FOXO1: variants seen among roughly 807,000 people sequenced by gnomAD.
The protein encoded by FOXO1 is forkhead box protein O1.
In FOXO1, 6 loss-of-function variants were observed where a neutral mutation model predicts 44.1. The observed-to-expected ratio is 0.14, with a 90% CI of 0.07 to 0.27. The LOEUF (loss-of-function observed/expected upper bound fraction) is 0.27, where lower values mean the gene tolerates loss of function less well. Among genes scored for constraint, FOXO1 ranks in the 10% least tolerant of loss-of-function variants. FOXO1 has a pLI of 1.00. For synonymous variants in FOXO1, 380 were observed against 362.7 expected (o/e 1.05, Z -0.54); for missense variants, 737 against 888.8 (o/e 0.83, Z 2.17).
chr13:40,637,229 G>A (rs971226844), intron 1 of FOXO1, among the ~76,000 whole-genome samples: 1 of 152,052 alleles, frequency 6.6e-6, no homozygotes, highest in African/African-American at 2.4e-5. Context: ...CGGATCAGGA[G>A]GTCAGGAGAT....
intron 1 of FOXO1, chr13:40,621,380 T>G (rs1876609481): frequency 5.4e-6 from 2 of 367,606 alleles, no homozygotes; most frequent in South Asian, 1.3e-4. Context: ...AATATTGTAT[T>G]TTAGTAGAAC....
intron 1 of FOXO1, among the ~76,000 whole-genome samples, chr13:40,580,651 C>A (rs1874921393): frequency 6.6e-6 from 1 of 152,162 alleles, no homozygotes; most frequent in Admixed American, 6.5e-5. Flanking sequence ...TGGCTCCAAG[C>A]AAGGCACACC....
At chr13:40,651,216 G>A (rs1877677195) in intron 1 of FOXO1, among the ~76,000 whole-genome samples, 1 of 151,838 alleles carries the variant, frequency 6.6e-6, no homozygotes, top group East Asian at 1.9e-4. Flanking sequence ...CAAGACTACA[G>A]GCACACAGTA....
At chr13:40,661,778 C>T (rs1435223372) in intron 1 of FOXO1, among the ~76,000 whole-genome samples, 1 of 152,114 alleles carries the variant, frequency 6.6e-6, no homozygotes, top group Non-Finnish European at 1.5e-5. Context: ...ATAGATTATA[C>T]CCAAATTACA....
intron 1 of FOXO1, among the ~76,000 whole-genome samples, chr13:40,574,945 A>T (rs1365684052): frequency 6.6e-6 from 1 of 152,242 alleles, no homozygotes; most frequent in African/African-American, 2.4e-5. Flanking sequence ...TTCCTAGCTT[A>T]ATTTATAGCT....
chr13:40,561,513 T>C (rs1187415074), intron 1 of FOXO1, among the ~76,000 whole-genome samples: 2 of 152,160 alleles, frequency 1.3e-5, no homozygotes, highest in Non-Finnish European at 2.9e-5. Flanking sequence ...AATAGTACTC[T>C]GTATCAAAGT....
chr13:40,586,910 T>C (rs952283209), intron 1 of FOXO1, among the ~76,000 whole-genome samples: 2 of 152,314 alleles, frequency 1.3e-5, no homozygotes, highest in South Asian at 2.1e-4. Context: ...AATCCTCTAC[T>C]GGAAACATTG....
In FOXO1 at chr13:40,665,617, T is replaced by C; in HGVS notation, c.596A>G (p.Asp199Gly). The C allele has an allele frequency of 6.8e-7, 1 of 1,473,598 alleles. No individual in the cohort carries two copies. Among genetic ancestry groups the C allele is most frequent in the Non-Finnish European group, 9.1e-7 (1 of 1,098,442 alleles). 91.3% of individuals were successfully genotyped at this position (1,473,598 alleles called of 1,614,324 possible). ...CGCCGAGCTGTTGCTGTCACCCTTA[T>C]CCTTGAAGTAGGGCACGCTCTTGAC... The part of the protein sequence containing the change: ...WMVKSVPYFK[D>G]KGDSNSSAGW... The change falls in exon 1 of 3, where the codon GAT becomes GGT. Residue 199 changes from aspartate (D) to glycine (G), a missense_variant. Transcript: ENST00000379561.
chr13:40,634,309 C>T (rs891772360), intron 1 of FOXO1, among the ~76,000 whole-genome samples: 5 of 152,180 alleles, frequency 3.3e-5, no homozygotes, highest in Non-Finnish European at 2.9e-5. Flanking sequence ...CATATCCACA[C>T]AACTGCATAC....
chr13:40,615,870 T>C (rs1876406455), intron 1 of FOXO1, among the ~76,000 whole-genome samples: 1 of 152,240 alleles, frequency 6.6e-6, no homozygotes, highest in Non-Finnish European at 1.5e-5. Context: ...CCTTGCAGTC[T>C]GCTGCGAGAA....
chr13:40,665,609 C>G lies in FOXO1; in HGVS notation c.604G>C (p.Asp202His), dbSNP rs997491713. 5.5e-6 allele frequency: 8 copies of G among 1,446,950 alleles called. No individual in the cohort carries two copies. Among genetic ancestry groups the G allele is most frequent in the African/African-American group, 2.9e-5 (2 of 68,572 alleles). The allele number at this position is 1,446,950 out of a possible 1,614,324, so 89.6% of individuals were successfully genotyped here. A position where few individuals can be genotyped will look rare whatever the true frequency, so the allele number is the denominator to read the frequency against. ...TTCCAGCCCGCCGAGCTGTTGCTGT[C>G]ACCCTTATCCTTGAAGTAGGGCACG... is the stretch of plus-strand genomic sequence containing the variant. ...KSVPYFKDKGDSNSSAGWKNS... is the reference protein window; with the variant it reads ...KSVPYFKDKGHSNSSAGWKNS... The change falls in exon 1 of 3, where the codon GAC becomes CAC. Residue 202 changes from aspartate (D) to histidine (H), a missense_variant. Asp to His is a moderately conservative substitution (Grantham distance 81, BLOSUM62 -1). Transcript: ENST00000379561.
Position 40,666,242 on chromosome 13 carries a change from G to T in FOXO1, c.-30C>A. 1 of 1,371,820 alleles carries T rather than the reference G, an allele frequency of 7.3e-7. No homozygotes were observed. Among genetic ancestry groups the T allele is most frequent in the Non-Finnish European group, 9.4e-7 (1 of 1,062,672 alleles). 85.0% of individuals were successfully genotyped at this position (1,371,820 alleles called of 1,614,324 possible). A position where few individuals can be genotyped will look rare whatever the true frequency, so the allele number is the denominator to read the frequency against. On this transcript the variant is annotated 5_prime_UTR_variant, in exon 1 of 3. Coordinates refer to ENST00000379561, the MANE Select transcript of FOXO1 (RefSeq NM_002015.4). ...ACCCCCGCCCCTCCCCCAGCCGCAGGAGAGCCAAGAGGGGGAGAACGCAGC... is the reference window on the plus strand; with the variant it reads ...ACCCCCGCCCCTCCCCCAGCCGCAGTAGAGCCAAGAGGGGGAGAACGCAGC...
At chr13:40,657,117 C>T (rs955130251) in intron 1 of FOXO1, among the ~76,000 whole-genome samples, 2 of 152,096 alleles carry the variant, frequency 1.3e-5, no homozygotes, top group Non-Finnish European at 2.9e-5. Context: ...TTTATGAATG[C>T]CAGTCCACCA....
chr13:40,616,713 A>G (rs1876435529), intron 1 of FOXO1, among the ~76,000 whole-genome samples: 2 of 152,164 alleles, frequency 1.3e-5, no homozygotes. Flanking sequence ...TCTGCTTAGG[A>G]CAGAGTTGAT....
intron 1 of FOXO1, among the ~76,000 whole-genome samples, chr13:40,602,647 T>A (rs1044582341): frequency 1.3e-5 from 2 of 152,236 alleles, no homozygotes; most frequent in East Asian, 3.8e-4. Context: ...CATTTACATT[T>A]TTTAAAATGG....
chr13:40,661,028 A>G (rs74044558), intron 1 of FOXO1, among the ~76,000 whole-genome samples: 1 of 152,172 alleles, frequency 6.6e-6, no homozygotes, highest in African/African-American at 2.4e-5. Flanking sequence ...TCTTCTCGCC[A>G]TCCCCTCAAC....
chr13:40,585,554 C>T (rs1490240939), intron 1 of FOXO1, among the ~76,000 whole-genome samples: 4 of 152,178 alleles, frequency 2.6e-5, no homozygotes, highest in Non-Finnish European at 2.9e-5. Context: ...ATTGATAACA[C>T]CTAAAATTCC....
At chr13:40,605,347 C>T (rs1593396734) in intron 1 of FOXO1, among the ~76,000 whole-genome samples, 1 of 152,104 alleles carries the variant, frequency 6.6e-6, no homozygotes, top group East Asian at 1.9e-4. Flanking sequence ...CCTGGAGATG[C>T]TCTGTTACAA....
chr13:40,638,718 G>A (rs1877244945), intron 1 of FOXO1, among the ~76,000 whole-genome samples: 2 of 152,194 alleles, frequency 1.3e-5, no homozygotes, highest in South Asian at 4.1e-4. Context: ...TCAGAAGGTG[G>A]CAATGGTCCT....
Sources: allele counts gnomAD v4.1 joint callset (sites outside exome capture counted in the v4.1 genomes callset), GRCh38; gene constraint gnomAD v4.1.1; transcripts MANE v1.5; gene names NCBI Gene and HGNC (gene_info 2026-07-23, HGNC 2026-07-21).